The following PEX5 variants were observed in gnomAD, a reference collection of about 807,000 sequenced individuals.
PEX5 encodes peroxisomal biogenesis factor 5.
PEX5 carries 52 observed loss-of-function variants against 82.9 expected under a neutral mutation model. The ratio of observed to expected loss-of-function variants is 0.63; its 90% CI spans 0.50 to 0.79. PEX5 has a LOEUF of 0.79. Ranked by LOEUF, PEX5 falls within the 30% of genes least tolerant of loss-of-function variation. The pLI is 0.00. For missense variants in PEX5, 719 were observed against 815.2 expected, an observed-to-expected ratio of 0.88 and a Z score of 1.44; for synonymous variants, 300 against 318.8, an observed-to-expected ratio of 0.94 and a Z score of 0.63.
chr12:7,216,301 T>G (rs908666121), downstream of PEX5, among the ~76,000 whole-genome samples: 4 of 152,176 alleles, frequency 2.6e-5, no homozygotes, highest in African/African-American at 2.4e-5. Flanking sequence ...CATATATACA[T>G]TACCTACTCT....
chr12:7,209,718 G>C lies in PEX5; in HGVS notation c.1596G>C (p.Leu532=). Residue 532 remains leucine, a synonymous_variant, in exon 15 of 16, where the codon CTG becomes CTC. Coordinates refer to ENST00000675855, the MANE Select transcript of PEX5 (RefSeq NM_001351132.2). ...YLLWNKLGAT[L]ANGNQSEEAV... Reference sequence around the variant, plus strand: ...TGTGGAATAAGCTAGGCGCCACCCTGGCCAATGGAAACCAGAGTGAAGAAG... The same window carrying C: ...TGTGGAATAAGCTAGGCGCCACCCTCGCCAATGGAAACCAGAGTGAAGAAG... The C allele has an allele frequency of 7.0e-7, 1 of 1,438,186 alleles. No homozygotes were observed. The highest frequency in any genetic ancestry group is 2.9e-5 in the East Asian group (1 of 34,338). 89.1% of individuals were successfully genotyped at this position (1,438,186 alleles called of 1,614,324 possible).
At chr12:7,217,066 G>A (rs938331446) in intron 17 of PEX5, among the ~76,000 whole-genome samples, 6 of 152,070 alleles carry the variant, frequency 3.9e-5, no homozygotes, top group African/African-American at 1.4e-4. Context: ...CCTTTCCCAA[G>A]TAGAAAACCT....
upstream of PEX5, chr12:7,189,002 C>T (rs1940408854): frequency 6.6e-6 from 1 of 152,216 alleles, no homozygotes; most frequent in African/African-American, 2.4e-5. Context: ...AGGGCTGACT[C>T]ACTGTTCACC....
chr12:7,198,220 C>T (rs1943110070), intron 5 of PEX5, among the ~76,000 whole-genome samples: 1 of 152,146 alleles, frequency 6.6e-6, no homozygotes, highest in African/African-American at 2.4e-5. Flanking sequence ...AACATAGCTA[C>T]TCAAAGATAA....
Position 7,210,971 on chromosome 12 carries a change from A to C in PEX5, c.*748A>C, listed in dbSNP as rs1945500655. 1 of 157,046 alleles carries C rather than the reference A, an allele frequency of 6.4e-6. No individual in the cohort carries two copies. Among genetic ancestry groups the C allele is most frequent in the Non-Finnish European group, 1.4e-5 (1 of 70,614 alleles). 9.7% of individuals were successfully genotyped at this position (157,046 alleles called of 1,614,324 possible). A position where few individuals can be genotyped will look rare whatever the true frequency, so the allele number is the denominator to read the frequency against. ...GGGAGGGACTAGATCAGAAGAGATC[A>C]AGGGCTCTATTCAGGAACGTTGGTG... On this transcript the variant is annotated 3_prime_UTR_variant, in exon 16 of 16. Coordinates refer to ENST00000675855, the MANE Select transcript of PEX5 (RefSeq NM_001351132.2).
Position 7,209,671 on chromosome 12 carries a change from TC to T in PEX5, c.1561-9del. The stretch of plus-strand genomic sequence containing the variant: ...TCAAGCTGTTCCCATCCGTTCTGCA[TC>T]CCTATCCCAGGACTATTTGCTGTGG... On this transcript the variant is annotated splice_polypyrimidine_tract_variant and intron_variant, in intron 14 of 15. Coordinates refer to ENST00000675855, the MANE Select transcript of PEX5 (RefSeq NM_001351132.2). 1 of 1,122,842 alleles carries T rather than the reference TC, an allele frequency of 8.9e-7. No homozygotes were observed. The highest frequency in any genetic ancestry group is 1.1e-6 in the Non-Finnish European group (1 of 910,068). 69.6% of individuals were successfully genotyped at this position (1,122,842 alleles called of 1,614,324 possible). A position where few individuals can be genotyped will look rare whatever the true frequency, so the allele number is the denominator to read the frequency against.
At chr12:7,201,298 CACAT>C (rs200795206) in intron 6 of PEX5, among the ~76,000 whole-genome samples, 22,437 of 69,664 alleles carry the variant, frequency 0.32, 2,090 homozygotes, top group Non-Finnish European at 0.45. Context: ...CATGTATACA[CACAT>C]ACACATACAC....
intron 6 of PEX5, among the ~76,000 whole-genome samples, chr12:7,201,192 C>A (rs1256351993): frequency 2.0e-5 from 3 of 148,552 alleles, no homozygotes; most frequent in Admixed American, 6.8e-5. Flanking sequence ...CACACGCATA[C>A]ATACACATAC....
rs536072594 is a variant in PEX5 at position 7,193,524 on chromosome 12, G to A, written c.448+1824G>A. Among the ~76,000 whole-genome samples, 187 of 152,214 alleles carry A rather than the reference G, an allele frequency of 1.2e-3. 1 individual carries two copies. The highest frequency in any genetic ancestry group is 6.2e-3 in the South Asian group (30 of 4,828). ...GGATTACAAGCGTGAGCCACCGCACGCGCCCTCACGTTGAGATTCTTTGTG... is the reference window on the plus strand; with the variant it reads ...GGATTACAAGCGTGAGCCACCGCACACGCCCTCACGTTGAGATTCTTTGTG... On this transcript the variant is annotated intron_variant, in intron 5 of 15. Transcript: ENST00000675855.
At chr12:7,201,703 G>C in intron 6 of PEX5, 48 bp from the exon 7 acceptor site, 1 of 1,291,884 alleles carries the variant, frequency 7.7e-7, no homozygotes, top group South Asian at 1.2e-5. Context: ...GTAGCATGGG[G>C]AGGGTGATGG....
At chr12:7,216,183 G>C (rs1455694253), downstream of PEX5, among the ~76,000 whole-genome samples, 1 of 152,116 alleles carries the variant, frequency 6.6e-6, no homozygotes, top group African/African-American at 2.4e-5. Context: ...GGCCAGGCTG[G>C]TCTTGAACTC....
chr12:7,213,733 A>C (rs1226318601), downstream of PEX5, among the ~76,000 whole-genome samples: 7 of 150,228 alleles, frequency 4.7e-5, no homozygotes, highest in Non-Finnish European at 3.0e-5. Flanking sequence ...AATGGGATCT[A>C]ATTAAACTAA....
At chr12:7,199,540 G>A (rs1193467771) in intron 6 of PEX5, among the ~76,000 whole-genome samples, 2 of 151,512 alleles carry the variant, frequency 1.3e-5, no homozygotes, top group African/African-American at 4.9e-5. Context: ...TAGATCAACA[G>A]GATCCCAAGG....
chr12:7,210,068 A>C lies in PEX5; in HGVS notation c.1765A>C (p.Ser589Arg). ...GGAGGCCCTGAACATGCAGAGGAAAAGCCGGGGCCCCCGGGGTGAAGGAGG... is the reference window on the plus strand; with the variant it reads ...GGAGGCCCTGAACATGCAGAGGAAACGCCGGGGCCCCCGGGGTGAAGGAGG... ...FLEALNMQRKSRGPRGEGGAM... is the reference protein window; with the variant it reads ...FLEALNMQRKRRGPRGEGGAM... Residue 589 changes from serine to arginine, a missense_variant, in exon 16 of 16, where the codon AGC (serine) becomes CGC (arginine). Transcript: ENST00000675855. 6.2e-7 allele frequency: 1 copy of C among 1,614,164 alleles called. No individual in the cohort carries two copies. Among genetic ancestry groups the C allele is most frequent in the Non-Finnish European group, 8.5e-7 (1 of 1,180,020 alleles).
upstream of PEX5, chr12:7,189,661 G>GCCCCGCCCCCTGGCT (rs1291657773): frequency 2.3e-5 from 8 of 349,394 alleles, no homozygotes; most frequent in Admixed American, 1.9e-4. Context: ...TTAAGCCTGA[G>GCCCCGCCCCCTGGCT]CCCCGCCCCC....
Position 7,197,287 on chromosome 12 carries a change from A to C in PEX5, c.449-1724A>C, listed in dbSNP as rs1299973897. Among the ~76,000 whole-genome samples, 14 of 136,296 alleles carry C rather than the reference A, an allele frequency of 1.0e-4. No homozygotes were observed. The East Asian group carries it at 2.9e-3, about 29-fold the overall frequency. The allele number at this position is 136,296 out of a possible 152,430, so 89.4% of individuals were successfully genotyped here. A position where few individuals can be genotyped will look rare whatever the true frequency, so the allele number is the denominator to read the frequency against. ...TTATATATGTCATATATAATGTAAT[A>C]ATTATATATGTCATATATAATGTAA... On this transcript the variant is annotated intron_variant, in intron 5 of 15. Transcript: ENST00000675855.
chr12:7,203,102 G>A (rs376651603), intron 9 of PEX5, among the ~76,000 whole-genome samples: 1 of 152,170 alleles, frequency 6.6e-6, no homozygotes, highest in East Asian at 1.9e-4. Context: ...AGGTTGCAAC[G>A]AGATGAGATC....
rs1442020873 is a variant in PEX5, at chr12:7,202,343, C to G, written c.745C>G (p.Gln249Glu). Reference sequence around the variant, plus strand: ...AGAACAGTGGGCAGCAGAGTTTATACAGCAGCAGGTAGGACATTGTCACTT... The same window carrying G: ...AGAACAGTGGGCAGCAGAGTTTATAGAGCAGCAGGTAGGACATTGTCACTT... The part of the protein sequence containing the change: ...QAEQWAAEFI[Q>E]QQGTSDAWVD... The change falls in exon 8 of 16, where the codon CAG becomes GAG. Residue 249 changes from glutamine (Q) to glutamate (E), a missense_variant. Gln to Glu is a conservative substitution (Grantham distance 29). Coordinates refer to ENST00000675855, the MANE Select transcript of PEX5 (RefSeq NM_001351132.2). The G allele has an allele frequency of 3.7e-6, 6 of 1,614,090 alleles. No individual in the cohort carries two copies. The highest frequency in any genetic ancestry group is 5.1e-6 in the Non-Finnish European group (6 of 1,179,998).
chr12:7,209,544 G>GAGT, intron 14 of PEX5, 139 bp from the exon 15 acceptor site: 1 of 759,010 alleles, frequency 1.3e-6, no homozygotes, highest in Non-Finnish European at 2.3e-6. Flanking sequence ...GTTGAGAATG[G>GAGT]AATGGGACGA....
Sources: allele counts gnomAD v4.1 joint callset (sites outside exome capture counted in the v4.1 genomes callset), GRCh38; gene constraint gnomAD v4.1.1; transcripts MANE v1.5; gene names NCBI Gene and HGNC (gene_info 2026-07-23, HGNC 2026-07-21).